CEP120: variants seen among roughly 807,000 people sequenced by gnomAD.
CEP120 encodes centrosomal protein of 120 kDa.
A neutral mutation model predicts 126.5 loss-of-function variants in CEP120; 113 were observed. That is an observed-to-expected ratio of 0.89 (90% confidence interval 0.77 to 1.04). CEP120 has a LOEUF of 1.04. Among genes scored for constraint, CEP120 ranks in the 50% least tolerant of loss-of-function variants. CEP120 has a pLI of 0.00. For missense variants in CEP120, 1,230 were observed against 1,155.7 expected (o/e 1.06, Z -0.93); for synonymous variants, 400 against 394.3 (o/e 1.01, Z -0.17).
At chr5:123,379,160 T>C (rs922599263) in intron 14 of CEP120, among the ~76,000 whole-genome samples, 4 of 151,928 alleles carry the variant, frequency 2.6e-5, no homozygotes, top group Non-Finnish European at 4.4e-5. Context: ...AGTGAGAAAA[T>C]GAATTGACTA....
rs763397454 is a variant in CEP120 at position 123,350,032 on chromosome 5, T to A, written c.2638A>T (p.Met880Leu). Residue 880 changes from methionine to leucine, a missense_variant, in exon 19 of 20, where the codon ATG becomes TTG. Transcript: ENST00000306467. ...TCAGCGGCAAGGTAACGTAGTCTCATCTGTTCCAATTCTTCCTGCTGTTTT... is the reference window on the plus strand; with the variant it reads ...TCAGCGGCAAGGTAACGTAGTCTCAACTGTTCCAATTCTTCCTGCTGTTTT... ...LKKQQEELEQ[M>L]RLRYLAAEEK... 3 of 1,613,576 alleles carry A rather than the reference T, an allele frequency of 1.9e-6. No individual in the cohort carries two copies. Among genetic ancestry groups the A allele is most frequent in the Admixed American group, 1.7e-5 (1 of 59,910 alleles).
chr5:123,404,857 A>G (rs1284800976), intron 4 of CEP120, among the ~76,000 whole-genome samples: 1 of 152,228 alleles, frequency 6.6e-6, no homozygotes, highest in Non-Finnish European at 1.5e-5. Flanking sequence ...TCACTTCCAG[A>G]AGACACCTTC....
In CEP120 at chr5:123,345,453, T is replaced by A. The variant is rs1015917434; in HGVS notation, c.*1066A>T. 2.0e-5 allele frequency: 3 copies of A among 152,258 alleles called. No individual in the cohort carries two copies. In the East Asian group the frequency reaches 5.8e-4, roughly 29 times the overall value. The allele number at this position is 152,258 out of a possible 1,614,324, so 9.4% of individuals were successfully genotyped here. On this transcript the variant is annotated 3_prime_UTR_variant, in exon 20 of 20. Coordinates refer to ENST00000306467, the MANE Select transcript of CEP120 (RefSeq NM_001375405.1). ...ATTATATTTGGAAATCAGAACTTTT[T>A]AAAGTACATATATTTTGAAATTCAA...
intron 18 of CEP120, among the ~76,000 whole-genome samples, chr5:123,355,414 T>C (rs1769521785): frequency 6.6e-6 from 1 of 152,146 alleles, no homozygotes. Flanking sequence ...AGTGTAAAAG[T>C]GTTCCTATTT....
chr5:123,349,067 C>T (rs1769025093), intron 19 of CEP120, among the ~76,000 whole-genome samples: 2 of 152,044 alleles, frequency 1.3e-5, no homozygotes, highest in African/African-American at 4.8e-5. Context: ...TCCCCCAAAA[C>T]CACCCTCCAA....
chr5:123,420,242 T>G (rs1774635631), intron 1 of CEP120, among the ~76,000 whole-genome samples: 1 of 152,194 alleles, frequency 6.6e-6, no homozygotes, highest in Non-Finnish European at 1.5e-5. Context: ...ATTTTCCATA[T>G]TATTATAACT....
At chr5:123,410,489 A>G (rs897644761) in intron 4 of CEP120, among the ~76,000 whole-genome samples, 16 of 152,218 alleles carry the variant, frequency 1.1e-4, no homozygotes, top group Non-Finnish European at 1.0e-4. Flanking sequence ...AAATAGACAA[A>G]TAGATCAATG....
intron 4 of CEP120, chr5:123,401,786 A>G: frequency 7.9e-7 from 1 of 1,263,970 alleles, no homozygotes; most frequent in Non-Finnish European, 1.2e-6. Flanking sequence ...CCATCTCTGC[A>G]CGCTTATTGA....
chr5:123,371,124 C>T (rs1770821839), intron 17 of CEP120, among the ~76,000 whole-genome samples: 1 of 152,034 alleles, frequency 6.6e-6, no homozygotes, highest in African/African-American at 2.4e-5. Context: ...ATTACAGGTT[C>T]AGCATCTCTC....
intron 18 of CEP120, among the ~76,000 whole-genome samples, chr5:123,353,324 TATG>T (rs372134779): frequency 7.4e-4 from 113 of 152,052 alleles, no homozygotes; most frequent in African/African-American, 2.6e-3. Flanking sequence ...CAGCTATTGA[TATG>T]ATTTTTTTCT....
intron 17 of CEP120, among the ~76,000 whole-genome samples, chr5:123,371,952 A>T (rs1462555779): frequency 1.3e-5 from 2 of 152,130 alleles, no homozygotes; most frequent in African/African-American, 4.8e-5. Flanking sequence ...AAGTTATTAA[A>T]TCATAAAATG....
chr5:123,399,430 A>G lies in CEP120; in HGVS notation c.464-146T>C, dbSNP rs1580714555. ...AATAAGGTTTCCTTTACTCTCTTAC[A>G]TACTCACCAAAGAAACCTTACTTAA... On this transcript the variant is annotated intron_variant, in intron 4 of 19. Transcript: ENST00000306467. 8.7e-6 allele frequency: 6 copies of G among 692,422 alleles called. 1 individual carries two copies. The Admixed American group carries it at 1.5e-4, about 17-fold the overall frequency. The allele number at this position is 692,422 out of a possible 1,614,324, so 42.9% of individuals were successfully genotyped here. A position where few individuals can be genotyped will look rare whatever the true frequency, so the allele number is the denominator to read the frequency against.
intron 4 of CEP120, among the ~76,000 whole-genome samples, chr5:123,408,031 A>G (rs1773808464): frequency 6.6e-6 from 1 of 152,208 alleles, no homozygotes; most frequent in Non-Finnish European, 1.5e-5. Context: ...AAAAATTGTG[A>G]GATGCAATTT....
At chr5:123,356,059 G>C (rs994309189) in intron 18 of CEP120, among the ~76,000 whole-genome samples, 55 of 152,128 alleles carry the variant, frequency 3.6e-4, no homozygotes, top group African/African-American at 1.3e-3. Context: ...TCCTGTTTTT[G>C]TCAGGTTTGT....
chr5:123,402,945 T>C (rs1200533128), intron 4 of CEP120, among the ~76,000 whole-genome samples: 1 of 152,208 alleles, frequency 6.6e-6, no homozygotes, highest in African/African-American at 2.4e-5. Flanking sequence ...CCTTCCAATA[T>C]GTGAGGATGT....
intron 4 of CEP120, among the ~76,000 whole-genome samples, chr5:123,404,143 G>C (rs557730986): frequency 7.0e-6 from 1 of 143,508 alleles, no homozygotes; most frequent in African/African-American, 2.6e-5. Context: ...CTCTCAAACA[G>C]TCCAGGGAAA....
intron 4 of CEP120, among the ~76,000 whole-genome samples, chr5:123,405,020 T>C (rs767293500): frequency 2.6e-5 from 4 of 152,214 alleles, no homozygotes; most frequent in African/African-American, 4.8e-5. Flanking sequence ...GTCTGGCACA[T>C]AGAGCTTAGA....
At position 123,346,679 on chromosome 5, in the gene CEP120, C is replaced by A; in HGVS notation, c.2801G>T (p.Gly934Val). ...IASGKKDGPH[G>V]SVLEEGLDDY... is the part of the protein sequence containing the mutation. ...ATCCAAACCTTCTTCCAATACACTG[C>A]CATGGGGGCCATCCTTTTTTCCACT... Residue 934 changes from glycine to valine, a missense_variant, in exon 20 of 20, where the codon GGC becomes GTC. Coordinates refer to ENST00000306467, the MANE Select transcript of CEP120 (RefSeq NM_001375405.1). 1 of 1,613,758 alleles carries A rather than the reference C, an allele frequency of 6.2e-7. No individual in the cohort carries two copies. Among genetic ancestry groups the A allele is most frequent in the East Asian group, 2.2e-5 (1 of 44,860 alleles).
At chr5:123,353,357 G>T (rs943476617) in intron 18 of CEP120, among the ~76,000 whole-genome samples, 32 of 151,488 alleles carry the variant, frequency 2.1e-4, no homozygotes, top group African/African-American at 7.3e-4. Flanking sequence ...TTTGAATGTG[G>T]TAAATAACCA....
Sources: gnomAD v4.1 joint callset for allele counts (sites outside exome capture counted in the v4.1 genomes callset) on GRCh38, gnomAD v4.1.1 for gene constraint, MANE v1.5 for transcripts, NCBI Gene and HGNC (gene_info 2026-07-23, HGNC 2026-07-21) for gene names.